ZFPM2: variants seen among roughly 807,000 people sequenced by gnomAD.
ZFPM2 encodes the protein zinc finger protein ZFPM2.
ZFPM2 carries 20 observed loss-of-function variants against 98.6 expected under a neutral mutation model. The ratio of observed to expected loss-of-function variants is 0.20; its 90% CI spans 0.14 to 0.29. ZFPM2 has a LOEUF of 0.29. Ranked by LOEUF, ZFPM2 falls within the 10% of genes least tolerant of loss-of-function variation. The pLI is 1.00. For synonymous variants in ZFPM2, 518 were observed against 502.7 expected, an observed-to-expected ratio of 1.03 and a Z score of -0.41; for missense variants, 1,310 against 1,388.6, an observed-to-expected ratio of 0.94 and a Z score of 0.90.
chr8:105,648,327 T>C (rs1817095718), intron 5 of ZFPM2, among the ~76,000 whole-genome samples: 1 of 152,218 alleles, frequency 6.6e-6, no homozygotes, highest in African/African-American at 2.4e-5. Context: ...ATTCTGTAGG[T>C]TGCCTGTTCA....
intron 4 of ZFPM2, among the ~76,000 whole-genome samples, chr8:105,631,985 A>C (rs1368607601): frequency 6.6e-6 from 1 of 152,178 alleles, no homozygotes; most frequent in African/African-American, 2.4e-5. Context: ...TCTGGGAAAA[A>C]TAGGCCAGGT....
At chr8:105,606,801 A>C (rs2062352016) in intron 4 of ZFPM2, among the ~76,000 whole-genome samples, 2 of 152,124 alleles carry the variant, frequency 1.3e-5, no homozygotes, top group Non-Finnish European at 2.9e-5. Context: ...AAAAAAACTG[A>C]AGCTTTGAGA....
intron 5 of ZFPM2, among the ~76,000 whole-genome samples, chr8:105,676,774 T>C (rs2130913644): frequency 6.6e-6 from 1 of 152,188 alleles, no homozygotes; most frequent in South Asian, 2.1e-4. Context: ...CACTATGAAG[T>C]AAATGTCTTA....
At chr8:105,437,585 C>T (rs1201864943) in intron 2 of ZFPM2, among the ~76,000 whole-genome samples, 1 of 152,168 alleles carries the variant, frequency 6.6e-6, no homozygotes, top group African/African-American at 2.4e-5. Context: ...AAGTACTTTT[C>T]AAACTCTTTA....
intron 4 of ZFPM2, among the ~76,000 whole-genome samples, chr8:105,616,213 G>A (rs545669252): frequency 3.3e-5 from 5 of 151,974 alleles, no homozygotes; most frequent in Non-Finnish European, 7.4e-5. Context: ...CATTTGATAA[G>A]TACTAGTGAA....
intron 1 of ZFPM2, among the ~76,000 whole-genome samples, chr8:105,405,763 A>C (rs1406185323): frequency 6.6e-6 from 1 of 152,140 alleles, no homozygotes; most frequent in African/African-American, 2.4e-5. Flanking sequence ...TCTTTATAAC[A>C]GCATGATTTA....
intron 1 of ZFPM2, among the ~76,000 whole-genome samples, chr8:105,329,737 T>C (rs779910039): frequency 1.3e-5 from 2 of 151,744 alleles, no homozygotes; most frequent in Non-Finnish European, 2.9e-5. Context: ...AAAAGTATTC[T>C]AGTGCACAAC....
chr8:105,766,580 T>A (rs993233095), intron 5 of ZFPM2, among the ~76,000 whole-genome samples: 2 of 151,858 alleles, frequency 1.3e-5, no homozygotes, highest in Admixed American at 6.6e-5. Context: ...GGGTCCGAAC[T>A]TAAGGTCACT....
At chr8:105,492,005 A>G (rs2130434900) in intron 3 of ZFPM2, among the ~76,000 whole-genome samples, 1 of 152,288 alleles carries the variant, frequency 6.6e-6, no homozygotes, top group East Asian at 1.9e-4. Context: ...AATGTCCTTC[A>G]TCTCTTATAA....
intron 4 of ZFPM2, among the ~76,000 whole-genome samples, chr8:105,567,784 A>C (rs1252035359): frequency 6.6e-6 from 1 of 152,156 alleles, no homozygotes; most frequent in East Asian, 1.9e-4. Context: ...GCTCTTTAAA[A>C]TAAAAATCTA....
intron 5 of ZFPM2, among the ~76,000 whole-genome samples, chr8:105,635,684 A>C (rs995371196): frequency 2.0e-5 from 3 of 152,238 alleles, no homozygotes; most frequent in South Asian, 2.1e-4. Context: ...CATTCAGAAT[A>C]CAAAAGATAC....
chr8:105,580,176 A>G (rs1815558636), intron 4 of ZFPM2, among the ~76,000 whole-genome samples: 1 of 152,172 alleles, frequency 6.6e-6, no homozygotes, highest in African/African-American at 2.4e-5. Context: ...ACTGGCACCA[A>G]ACATAAAGAT....
At chr8:105,327,846 A>T (rs1310847474) in intron 1 of ZFPM2, among the ~76,000 whole-genome samples, 2 of 151,788 alleles carry the variant, frequency 1.3e-5, no homozygotes, top group Non-Finnish European at 2.9e-5. Flanking sequence ...ACAATAGCAT[A>T]AAAGGCCTTT....
At chr8:105,496,269 C>T (rs1404216033) in intron 3 of ZFPM2, among the ~76,000 whole-genome samples, 1 of 152,130 alleles carries the variant, frequency 6.6e-6, no homozygotes, top group Non-Finnish European at 1.5e-5. Context: ...GCCTTGGCCT[C>T]CCAAAGTGCT....
chr8:105,654,320 G>C (rs994097913), intron 5 of ZFPM2, among the ~76,000 whole-genome samples: 2 of 152,126 alleles, frequency 1.3e-5, no homozygotes, highest in African/African-American at 4.8e-5. Flanking sequence ...CTGTCAAAAG[G>C]CTTTCGCCTT....
At chr8:105,402,585 A>G (rs924063227) in intron 1 of ZFPM2, among the ~76,000 whole-genome samples, 4 of 151,546 alleles carry the variant, frequency 2.6e-5, no homozygotes, top group African/African-American at 9.8e-5. Flanking sequence ...TATTAATCTA[A>G]TATGTGTTTA....
chr8:105,381,270 A>G (rs975606833), intron 1 of ZFPM2, among the ~76,000 whole-genome samples: 1 of 151,878 alleles, frequency 6.6e-6, no homozygotes, highest in African/African-American at 2.4e-5. Flanking sequence ...GCATGAAAGG[A>G]CATGAACTCA....
intron 1 of ZFPM2, among the ~76,000 whole-genome samples, chr8:105,347,360 T>A (rs2129693542): frequency 6.6e-6 from 1 of 152,320 alleles, no homozygotes; most frequent in African/African-American, 2.4e-5. Context: ...TTAGGGTTGG[T>A]ATAGTCTTAC....
chr8:105,795,739 G>A, intron 6 of ZFPM2: 1 of 433,086 alleles, frequency 2.3e-6, no homozygotes, highest in Non-Finnish European at 4.5e-6. Flanking sequence ...AACTTAGTTT[G>A]TATTTTTGTG....
Sources: gnomAD v4.1 joint callset for allele counts (sites outside exome capture counted in the v4.1 genomes callset) on GRCh38, gnomAD v4.1.1 for gene constraint, MANE v1.5 for transcripts, NCBI Gene and HGNC (gene_info 2026-07-23, HGNC 2026-07-21) for gene names.